Variants in RAPGEF1 observed in about 807,000 individuals in gnomAD.
The protein encoded by RAPGEF1 is CRK SH3-binding GNRP.
In RAPGEF1, 33 loss-of-function variants were observed where a neutral mutation model predicts 143.3. That is an observed-to-expected ratio of 0.23 (90% CI 0.17 to 0.31). The LOEUF (loss-of-function observed/expected upper bound fraction) is 0.31, where lower values mean the gene tolerates loss of function less well. RAPGEF1 is among the 10% of genes least tolerant of loss of function. RAPGEF1 has a pLI of 1.00. For missense variants in RAPGEF1, 1,199 were observed against 1,645.4 expected, an observed-to-expected ratio of 0.73 and a Z score of 4.69; for synonymous variants, 629 against 676.5, an observed-to-expected ratio of 0.93 and a Z score of 1.09.
At chr9:131,664,026 A>G (rs1830030195) in intron 1 of RAPGEF1, among the ~76,000 whole-genome samples, 1 of 152,122 alleles carries the variant, frequency 6.6e-6, no homozygotes, top group African/African-American at 2.4e-5. Flanking sequence ...TTTTGGTATC[A>G]CTATGGACCT....
At position 131,580,451 on chromosome 9, in the gene RAPGEF1, G is replaced by C. The variant is rs936687250; in HGVS notation, c.3513-60C>G. The C allele has an allele frequency of 8.9e-6, 14 of 1,574,036 alleles. No individual in the cohort carries two copies. The African/African-American group carries it at 1.5e-4, about 17-fold the overall frequency. On this transcript the variant is annotated intron_variant, in intron 25 of 26. Coordinates refer to ENST00000683357, the MANE Select transcript of RAPGEF1 (RefSeq NM_001377935.1). ...CGGGGTTTGGAAGCAGCAAGGGCTA[G>C]AGACATGTGTCAGGCGCTAGGACTC...
chr9:131,606,249 G>A (rs1352261069), intron 12 of RAPGEF1, among the ~76,000 whole-genome samples: 2 of 152,184 alleles, frequency 1.3e-5, no homozygotes, highest in African/African-American at 4.8e-5. Flanking sequence ...CTGAAGGAGG[G>A]ACAGAGGTGT....
At chr9:131,609,714 C>T (rs1436043982) in intron 12 of RAPGEF1, among the ~76,000 whole-genome samples, 5 of 152,128 alleles carry the variant, frequency 3.3e-5, no homozygotes, top group Admixed American at 6.5e-5. Flanking sequence ...GAGCGTGTGG[C>T]CAATTCATTA....
intron 1 of RAPGEF1, among the ~76,000 whole-genome samples, chr9:131,732,043 C>G (rs1028195542): frequency 1.3e-5 from 2 of 152,156 alleles, no homozygotes; most frequent in African/African-American, 2.4e-5. Context: ...GAACCTCCCC[C>G]CCTGTACCTT....
At chr9:131,699,128 C>G (rs1315384567) in intron 1 of RAPGEF1, among the ~76,000 whole-genome samples, 1 of 152,160 alleles carries the variant, frequency 6.6e-6, no homozygotes, top group Non-Finnish European at 1.5e-5. Flanking sequence ...CAACTACCAC[C>G]TTGTGTCTTC....
At chr9:131,694,293 G>A (rs1366824587) in intron 1 of RAPGEF1, among the ~76,000 whole-genome samples, 1 of 152,158 alleles carries the variant, frequency 6.6e-6, no homozygotes, top group Middle Eastern at 3.2e-3. Flanking sequence ...ATACCCTAGG[G>A]CATGCATTAG....
At chr9:131,663,170 T>C (rs1829863710) in intron 1 of RAPGEF1, among the ~76,000 whole-genome samples, 2 of 152,112 alleles carry the variant, frequency 1.3e-5, no homozygotes, top group Non-Finnish European at 1.5e-5. Context: ...AACGTCCACA[T>C]ACCCTTCACC....
chr9:131,603,906 A>G (rs7037668), intron 14 of RAPGEF1, 55 bp downstream of exon 14: 938,763 of 1,142,898 alleles, frequency 0.82, 386,551 homozygotes, highest in African/African-American at 0.94. Flanking sequence ...GGGAGGGCAG[A>G]GCCCAAGCCC....
intron 1 of RAPGEF1, among the ~76,000 whole-genome samples, chr9:131,657,241 G>GCAGACAGA (rs770965642): frequency 2.0e-5 from 3 of 152,120 alleles, no homozygotes; most frequent in East Asian, 1.9e-4. Context: ...AGACAGGCAG[G>GCAGACAGA]CAGACAGACA....
At chr9:131,714,161 G>A (rs979794788) in intron 1 of RAPGEF1, among the ~76,000 whole-genome samples, 2 of 151,786 alleles carry the variant, frequency 1.3e-5, no homozygotes, top group African/African-American at 4.8e-5. Context: ...GACTCCAGGA[G>A]GAATGATATT....
At chr9:131,694,602 CT>C (rs1315150580) in intron 1 of RAPGEF1, among the ~76,000 whole-genome samples, 1 of 152,136 alleles carries the variant, frequency 6.6e-6, no homozygotes, top group Non-Finnish European at 1.5e-5. Flanking sequence ...CCAGGTCCCC[CT>C]GCCTGGCATG....
At chr9:131,684,208 A>T (rs1158501772) in intron 1 of RAPGEF1, among the ~76,000 whole-genome samples, 1 of 152,222 alleles carries the variant, frequency 6.6e-6, no homozygotes, top group Non-Finnish European at 1.5e-5. Context: ...TGGCAAATGG[A>T]TGTCACACAT....
chr9:131,666,025 T>C (rs1228020438), intron 1 of RAPGEF1, among the ~76,000 whole-genome samples: 2 of 152,232 alleles, frequency 1.3e-5, no homozygotes, highest in Non-Finnish European at 2.9e-5. Flanking sequence ...AATAAATAAG[T>C]GCTTGTTAGC....
chr9:131,633,798 A>G (rs1965592734), intron 5 of RAPGEF1, among the ~76,000 whole-genome samples: 1 of 152,214 alleles, frequency 6.6e-6, no homozygotes, highest in African/African-American at 2.4e-5. Context: ...CTTAACTATC[A>G]CAGAGGAGAA....
In RAPGEF1 at chr9:131,619,086, A is replaced by G; in HGVS notation, c.2026T>C (p.Phe676Leu). The change falls in exon 12 of 27, where the codon TTT (phenylalanine) becomes CTT (leucine). Residue 676 changes from phenylalanine to leucine, a missense_variant. Physicochemically the swap from Phe to Leu is conservative, Grantham distance 22. Transcript: ENST00000683357. ...GGCAAGCTGCCGTGCCGGCTGAGAA[A>G]GGAGTTAGAGACGGACACACTGAGG... ...QGLSVSVSNS[F>L]LSRHGSLPVP... The G allele has an allele frequency of 2.2e-6, 3 of 1,357,396 alleles. No individual in the cohort carries two copies. Among genetic ancestry groups the G allele is most frequent in the Non-Finnish European group, 2.9e-6 (3 of 1,018,138 alleles). 84.1% of individuals were successfully genotyped at this position (1,357,396 alleles called of 1,614,324 possible).
chr9:131,588,059 G>T, intron 20 of RAPGEF1, 33 bp from the exon 21 acceptor site: 1 of 1,574,274 alleles, frequency 6.4e-7, no homozygotes. Context: ...GAGCCGTCAG[G>T]GGTGGGGAGG....
At chr9:131,718,340 G>A (rs777452172) in intron 1 of RAPGEF1, among the ~76,000 whole-genome samples, 4 of 152,176 alleles carry the variant, frequency 2.6e-5, no homozygotes, top group Non-Finnish European at 4.4e-5. Flanking sequence ...ACCTCGGATC[G>A]CTTCACATGT....
At chr9:131,651,376 G>C (rs1971042605) in intron 1 of RAPGEF1, among the ~76,000 whole-genome samples, 1 of 152,160 alleles carries the variant, frequency 6.6e-6, no homozygotes, top group Non-Finnish European at 1.5e-5. Flanking sequence ...ACATGTGCAA[G>C]GCTCTGGAGT....
chr9:131,706,933 CT>C (rs1032917054), intron 1 of RAPGEF1, among the ~76,000 whole-genome samples: 11 of 152,222 alleles, frequency 7.2e-5, no homozygotes, highest in African/African-American at 2.7e-4. Context: ...TACCACTCTT[CT>C]CATTTAAATT....
Sources: allele counts gnomAD v4.1 joint callset (sites outside exome capture counted in the v4.1 genomes callset), GRCh38; gene constraint gnomAD v4.1.1; transcripts MANE v1.5; gene names NCBI Gene and HGNC (gene_info 2026-07-23, HGNC 2026-07-21).